Variants in CD300LF observed in about 807,000 individuals in gnomAD.
The protein encoded by CD300LF is CMRF35-like molecule 1.
Under a neutral mutation model 32.2 loss-of-function variants are expected in CD300LF, and 27 were observed. That is an observed-to-expected ratio of 0.84 (90% CI 0.62 to 1.15). CD300LF has a LOEUF of 1.15. CD300LF is among the 50% of genes most tolerant of loss of function. CD300LF has a pLI of 0.00. For synonymous variants in CD300LF, 139 were observed against 143.2 expected (o/e 0.97, Z 0.21); for missense variants, 348 against 356.8 (o/e 0.98, Z 0.20).
intron 1 of CD300LF, among the ~76,000 whole-genome samples, chr17:74,707,913 C>T (rs969854369): frequency 3.3e-5 from 5 of 151,568 alleles, no homozygotes; most frequent in Non-Finnish European, 5.9e-5. Context: ...TGTGAGAGGC[C>T]GAGGCAGGTG....
chr17:74,707,639 T>C (rs1251289088), intron 1 of CD300LF, among the ~76,000 whole-genome samples: 4 of 149,824 alleles, frequency 2.7e-5, no homozygotes, highest in Non-Finnish European at 5.9e-5. Flanking sequence ...CGTCTGAACC[T>C]GGGAGGCGGA....
chr17:74,710,487 G>A (rs2033866325), intron 1 of CD300LF, among the ~76,000 whole-genome samples: 1 of 152,088 alleles, frequency 6.6e-6, no homozygotes, highest in Non-Finnish European at 1.5e-5. Flanking sequence ...GTAGAAAAGT[G>A]CTCATTTACA....
chr17:74,712,607 G>T (rs1459291825), intron 1 of CD300LF, among the ~76,000 whole-genome samples: 2 of 152,240 alleles, frequency 1.3e-5, no homozygotes, highest in Admixed American at 1.3e-4. Context: ...GCCCCTGGGG[G>T]TCAGGAATTC....
In CD300LF at chr17:74,695,086, G is replaced by A; in HGVS notation, c.*10C>T. On this transcript the variant is annotated 3_prime_UTR_variant, in exon 7 of 7. Coordinates refer to ENST00000326165, the MANE Select transcript of CD300LF (RefSeq NM_139018.5). ...CAGCCTGGGGTCCAAGAAGGAGCCT[G>A]GAGTGCAGGCTAAGGCCTGCTGATG... is the stretch of plus-strand genomic sequence containing the variant. 6 of 1,610,494 alleles carry A rather than the reference G, an allele frequency of 3.7e-6. No individual in the cohort carries two copies. Among genetic ancestry groups the A allele is most frequent in the Non-Finnish European group, 5.1e-6 (6 of 1,178,280 alleles).
At chr17:74,698,213 GC>G (rs1229983955) in intron 4 of CD300LF, among the ~76,000 whole-genome samples, 155 bp downstream of exon 4, 1 of 152,134 alleles carries the variant, frequency 6.6e-6, no homozygotes, top group Non-Finnish European at 1.5e-5. Flanking sequence ...GCTCCAGGGC[GC>G]CCCCCGGTCC....
At chr17:74,710,936 C>T (rs757155630) in intron 1 of CD300LF, among the ~76,000 whole-genome samples, 5 of 151,456 alleles carry the variant, frequency 3.3e-5, no homozygotes, top group Non-Finnish European at 1.5e-5. Flanking sequence ...GCAACTCAGA[C>T]GGCCAAGGCA....
intron 2 of CD300LF, 82 bp from the exon 3 acceptor site, chr17:74,703,180 A>C (rs1354012320): frequency 6.4e-7 from 1 of 1,570,984 alleles, no homozygotes. Context: ...CAGATCACAG[A>C]TGCCCCTGCC....
chr17:74,698,598 T>C, intron 3 of CD300LF, 117 bp from the exon 4 acceptor site: 1 of 1,503,410 alleles, frequency 6.7e-7, no homozygotes, highest in South Asian at 1.3e-5. Context: ...AGGTCTGTAG[T>C]TTGCAGCCTG....
At chr17:74,695,637 C>T in intron 6 of CD300LF, 88 bp downstream of exon 6, 1 of 1,579,044 alleles carries the variant, frequency 6.3e-7, no homozygotes, top group South Asian at 1.1e-5. Flanking sequence ...CCCACATGAG[C>T]AGGAGAAAGC....
chr17:74,695,262 G>A lies in CD300LF; in HGVS notation c.718-11C>T, dbSNP rs376257084. The A allele has an allele frequency of 1.9e-6, 3 of 1,613,694 alleles. No individual in the cohort carries two copies. Among genetic ancestry groups the A allele is most frequent in the Non-Finnish European group, 2.5e-6 (3 of 1,179,830 alleles). On this transcript the variant is annotated splice_polypyrimidine_tract_variant and intron_variant, in intron 6 of 6. Coordinates refer to ENST00000326165, the MANE Select transcript of CD300LF (RefSeq NM_139018.5). ...CTTCGGCAAGGAAGCCTGCAGCAAA[G>A]GCGGGCTCCAGGTCAGAGAGGACGG...
rs1275682370 is a variant in CD300LF at position 74,712,316 on chromosome 17, C to G, written c.43+508G>C. 2.6e-5 allele frequency among the ~76,000 whole-genome samples: 4 copies of G among 152,206 alleles called. No homozygotes were observed. In the East Asian group the frequency reaches 7.7e-4, roughly 29 times the overall value. ...TACGTCCCTGCCAGTCTTATCTCCT[C>G]TTGACCTTTCCGTCCCTCAGCAACT... On this transcript the variant is annotated intron_variant, in intron 1 of 6. Coordinates refer to ENST00000326165, the MANE Select transcript of CD300LF (RefSeq NM_139018.5).
chr17:74,696,747 C>G (rs994526342), intron 4 of CD300LF, among the ~76,000 whole-genome samples: 2 of 152,198 alleles, frequency 1.3e-5, no homozygotes, highest in Non-Finnish European at 2.9e-5. Flanking sequence ...TGCAGGGTGG[C>G]TGGGCCTGTC....
Position 74,695,083 on chromosome 17 carries a change from C to A in CD300LF, c.*13G>T, listed in dbSNP as rs773262236. ...TCACAGCCTGGGGTCCAAGAAGGAG[C>A]CTGGAGTGCAGGCTAAGGCCTGCTG... On this transcript the variant is annotated 3_prime_UTR_variant, in exon 7 of 7. Coordinates refer to ENST00000326165, the MANE Select transcript of CD300LF (RefSeq NM_139018.5). The A allele has an allele frequency of 6.2e-7, 1 of 1,609,330 alleles. No individual in the cohort carries two copies. The highest frequency in any genetic ancestry group is 1.7e-5 in the Admixed American group (1 of 59,078).
At chr17:74,700,468 C>T (rs7211197) in intron 3 of CD300LF, among the ~76,000 whole-genome samples, 2,543 of 152,176 alleles carry the variant, frequency 0.017, 50 homozygotes, top group African/African-American at 0.042. Flanking sequence ...CGACTGAGCG[C>T]GGTGGCTTAC....
chr17:74,702,056 A>T (rs1028757998), intron 3 of CD300LF, among the ~76,000 whole-genome samples: 5 of 145,396 alleles, frequency 3.4e-5, no homozygotes, highest in African/African-American at 7.9e-5. Flanking sequence ...AGTTTAATTT[A>T]AAAAAAAAAC....
At chr17:74,704,193 T>C (rs967351850) in intron 2 of CD300LF, among the ~76,000 whole-genome samples, 45 of 152,110 alleles carry the variant, frequency 3.0e-4, no homozygotes, top group Non-Finnish European at 5.1e-4. Context: ...CTTTGGCCCA[T>C]GGGCTGAAAC....
chr17:74,706,015 T>C (rs976555791), intron 1 of CD300LF, among the ~76,000 whole-genome samples: 7 of 152,166 alleles, frequency 4.6e-5, no homozygotes, highest in African/African-American at 1.4e-4. Context: ...ATACCGCATG[T>C]TCTCACTTAT....
At chr17:74,703,124 G>A in intron 2 of CD300LF, 26 bp from the exon 3 acceptor site, 1 of 1,613,694 alleles carries the variant, frequency 6.2e-7, no homozygotes, top group Non-Finnish European at 8.5e-7. Flanking sequence ...AGGTAGGCGT[G>A]GTGGGGGCAG....
At chr17:74,695,696 C>T (rs1417225959) in intron 6 of CD300LF, 29 bp downstream of exon 6, 6 of 1,613,858 alleles carry the variant, frequency 3.7e-6, no homozygotes, top group Non-Finnish European at 5.1e-6. Flanking sequence ...CCTGCCCCAG[C>T]CTCACAGCAG....
Sources: gnomAD v4.1 joint callset for allele counts (sites outside exome capture counted in the v4.1 genomes callset) on GRCh38, gnomAD v4.1.1 for gene constraint, MANE v1.5 for transcripts, NCBI Gene and HGNC (gene_info 2026-07-23, HGNC 2026-07-21) for gene names.